The following DENND1B variants were observed in gnomAD, a reference collection of about 807,000 sequenced individuals.
DENND1B encodes the protein DENN domain-containing protein 1B.
Under a neutral mutation model 90.1 loss-of-function variants are expected in DENND1B, and 59 were observed. That is an observed-to-expected ratio of 0.65 (90% CI 0.53 to 0.81). DENND1B has a LOEUF of 0.81. DENND1B is among the 40% of genes least tolerant of loss of function. The pLI, the probability that DENND1B is intolerant of heterozygous loss-of-function variation, is 0.00. For missense variants in DENND1B, 862 were observed against 912.6 expected (o/e 0.94, Z 0.71); for synonymous variants, 337 against 324.6 (o/e 1.04, Z -0.41).
At chr1:197,600,664 C>A (rs1676122920) in intron 13 of DENND1B, among the ~76,000 whole-genome samples, 2 of 151,320 alleles carry the variant, frequency 1.3e-5, no homozygotes, top group African/African-American at 4.9e-5. Context: ...TAGCTTGTAC[C>A]CTAATAAATA....
chr1:197,564,736 C>A (rs1394518490), intron 15 of DENND1B, among the ~76,000 whole-genome samples: 1 of 151,840 alleles, frequency 6.6e-6, no homozygotes, highest in Non-Finnish European at 1.5e-5. Context: ...ATGTATATTT[C>A]TGGGCTTTAA....
rs1006248052 is a variant in DENND1B at position 197,527,316 on chromosome 1, T to TG, written c.1515+12647_1515+12648insC. On this transcript the variant is annotated intron_variant, in intron 20 of 22. Transcript: ENST00000620048. ...ATCACTTGAAGGTTTTTTTTTGTTT[T>TG]TGTTTTTTTTCTGAGGCAGAGTTTG... Among the ~76,000 whole-genome samples, 24 of 151,066 alleles carry TG rather than the reference T, an allele frequency of 1.6e-4. No homozygotes were observed. In the East Asian group the frequency reaches 2.1e-3, roughly 13 times the overall value.
chr1:197,539,429 A>C (rs890120217), intron 20 of DENND1B, among the ~76,000 whole-genome samples: 2 of 152,204 alleles, frequency 1.3e-5, no homozygotes, highest in Non-Finnish European at 2.9e-5. Flanking sequence ...TGAAAAAAAA[A>C]CCAGGAACAC....
intron 3 of DENND1B, among the ~76,000 whole-genome samples, chr1:197,691,196 C>T (rs1374407279): frequency 6.8e-6 from 1 of 147,858 alleles, no homozygotes; most frequent in East Asian, 2.0e-4. Context: ...AAAATATTTG[C>T]AAACCATACA....
chr1:197,585,739 A>C lies in DENND1B; in HGVS notation c.1048-2486T>G, dbSNP rs146319664. On this transcript the variant is annotated intron_variant, in intron 14 of 22. Coordinates refer to ENST00000620048, the MANE Select transcript of DENND1B (RefSeq NM_001195215.2). ...AGAATTTTCTCTCAAGGAGAAAAAT[A>C]AGTCTTTATTAATAATGCTTTAAAG... Among the ~76,000 whole-genome samples, 9 of 152,344 alleles carry C rather than the reference A, an allele frequency of 5.9e-5. No individual in the cohort carries two copies. The East Asian group carries it at 1.7e-3, about 29-fold the overall frequency.
intron 20 of DENND1B, among the ~76,000 whole-genome samples, chr1:197,536,795 A>T (rs574527542): frequency 6.6e-6 from 1 of 152,262 alleles, no homozygotes; most frequent in South Asian, 2.1e-4. Flanking sequence ...TAATCCCAGC[A>T]CTTTGGGAGG....
intron 10 of DENND1B, among the ~76,000 whole-genome samples, chr1:197,623,958 T>C (rs1429888885): frequency 6.6e-6 from 1 of 151,646 alleles, no homozygotes; most frequent in African/African-American, 2.4e-5. Context: ...AGATATTCCA[T>C]GTTCATGGGT....
chr1:197,781,170 G>A, the DENND1B span, among the ~76,000 whole-genome samples: 1 of 152,084 alleles, frequency 6.6e-6, no homozygotes, highest in Admixed American at 6.6e-5. Flanking sequence ...TAATGCTTCA[G>A]GTTCAGTATA....
chr1:197,564,523 TAATAGAC>T (rs369729198), intron 15 of DENND1B, among the ~76,000 whole-genome samples: 14 of 33,304 alleles, frequency 4.2e-4, no homozygotes, highest in African/African-American at 1.0e-3. Flanking sequence ...ATTGCACACT[TAATAGAC>T]TATAGGACAG....
Position 197,518,053 on chromosome 1 carries a change from T to C in DENND1B, c.1516-5100A>G, listed in dbSNP as rs149200482. On this transcript the variant is annotated intron_variant, in intron 20 of 22. Transcript: ENST00000620048. ...TTACATTCTCTCTCCCACCGTACAG[T>C]AGGCTTTTGAGGGCAGACCCCTTGC... Among the ~76,000 whole-genome samples, 16 of 151,938 alleles carry C rather than the reference T, an allele frequency of 1.1e-4. No individual in the cohort carries two copies. In the East Asian group the frequency reaches 2.9e-3, roughly 28 times the overall value.
chr1:197,625,183 G>A (rs1470071942), intron 10 of DENND1B, among the ~76,000 whole-genome samples: 1 of 151,942 alleles, frequency 6.6e-6, no homozygotes, highest in Non-Finnish European at 1.5e-5. Context: ...GATATGCCTC[G>A]AGAAGAGCAA....
chr1:197,768,362 A>G (rs1419920081), intron 2 of DENND1B, among the ~76,000 whole-genome samples: 1 of 152,208 alleles, frequency 6.6e-6, no homozygotes, highest in Non-Finnish European at 1.5e-5. Context: ...CACTTCCCAG[A>G]AGAGAAATGC....
intron 20 of DENND1B, among the ~76,000 whole-genome samples, chr1:197,530,406 T>C (rs1669530900): frequency 6.6e-6 from 1 of 152,182 alleles, no homozygotes; most frequent in Non-Finnish European, 1.5e-5. Flanking sequence ...CTGAAATGAA[T>C]AATCAAATGG....
chr1:197,630,253 A>G (rs1183832728), intron 10 of DENND1B, among the ~76,000 whole-genome samples: 1 of 152,048 alleles, frequency 6.6e-6, no homozygotes, highest in Admixed American at 6.6e-5. Flanking sequence ...TTAACTAATT[A>G]ATAATAGGAG....
chr1:197,549,500 G>A (rs541379301), intron 16 of DENND1B, among the ~76,000 whole-genome samples: 1 of 152,090 alleles, frequency 6.6e-6, no homozygotes, highest in South Asian at 2.1e-4. Context: ...AAATGAATCT[G>A]AAAATATTTC....
At chr1:197,708,366 C>G (rs1659835278) in intron 3 of DENND1B, among the ~76,000 whole-genome samples, 1 of 2,592 alleles carries the variant, frequency 3.9e-4, no homozygotes, top group Non-Finnish European at 9.2e-4. Context: ...TCTCCCAGCA[C>G]GCAGCTGGAG....
intron 15 of DENND1B, among the ~76,000 whole-genome samples, chr1:197,562,806 G>A (rs1672284008): frequency 6.6e-6 from 1 of 151,968 alleles, no homozygotes; most frequent in Non-Finnish European, 1.5e-5. Context: ...TAGCCAAGTT[G>A]TGGATGCAAA....
upstream of DENND1B, among the ~76,000 whole-genome samples, chr1:197,780,472 C>T (rs1201484566): frequency 6.6e-6 from 1 of 151,930 alleles, no homozygotes; most frequent in Non-Finnish European, 1.5e-5. Context: ...ACTACAGGCA[C>T]CTGCCATCAC....
At chr1:197,754,745 T>C (rs935294351) in intron 2 of DENND1B, among the ~76,000 whole-genome samples, 1 of 150,866 alleles carries the variant, frequency 6.6e-6, no homozygotes, top group Non-Finnish European at 1.5e-5. Flanking sequence ...AATTATCAAT[T>C]GGTAATGGTT....
Sources: gnomAD v4.1 joint callset for allele counts (sites outside exome capture counted in the v4.1 genomes callset) on GRCh38, gnomAD v4.1.1 for gene constraint, MANE v1.5 for transcripts, NCBI Gene and HGNC (gene_info 2026-07-23, HGNC 2026-07-21) for gene names.